The following PDE1A variants were observed in gnomAD, a reference collection of about 807,000 sequenced individuals.
PDE1A encodes phosphodiesterase 1A.
PDE1A carries 35 observed loss-of-function variants against 61.7 expected under a neutral mutation model. The observed-to-expected ratio is 0.57, with a 90% confidence interval of 0.43 to 0.75. The LOEUF (loss-of-function observed/expected upper bound fraction) is 0.75. PDE1A is among the 30% of genes least tolerant of loss of function. The pLI, the probability that PDE1A is intolerant of heterozygous loss-of-function variation, is 0.00. For synonymous variants in PDE1A, 232 were observed against 213.2 expected, an observed-to-expected ratio of 1.09 and a Z score of -0.77; for missense variants, 597 against 630.6, an observed-to-expected ratio of 0.95 and a Z score of 0.57.
chr2:182,369,503 T>G (rs750731622), intron 1 of PDE1A, among the ~76,000 whole-genome samples: 21 of 152,178 alleles, frequency 1.4e-4, no homozygotes, highest in Non-Finnish European at 2.8e-4. Flanking sequence ...GGGGAAACGT[T>G]TCATGGTAGC....
intron 1 of PDE1A, among the ~76,000 whole-genome samples, chr2:182,318,514 T>C (rs1033570987): frequency 2.0e-5 from 3 of 152,170 alleles, no homozygotes; most frequent in Admixed American, 1.3e-4. Context: ...CTTTCACAGA[T>C]AGCATTGTTA....
intron 1 of PDE1A, among the ~76,000 whole-genome samples, chr2:182,306,412 G>GT (rs1695588007): frequency 6.6e-6 from 1 of 151,694 alleles, no homozygotes; most frequent in African/African-American, 2.4e-5. Context: ...TCTCCATATA[G>GT]TTTTTTGTTA....
chr2:182,254,825 G>A (rs919435096), intron 2 of PDE1A, among the ~76,000 whole-genome samples: 1 of 152,116 alleles, frequency 6.6e-6, no homozygotes, highest in Non-Finnish European at 1.5e-5. Flanking sequence ...CACAGTTGTG[G>A]TTTGAGAAAG....
chr2:182,519,882 A>T (rs1362530278), intron 2 of PDE1A, among the ~76,000 whole-genome samples: 1 of 151,930 alleles, frequency 6.6e-6, no homozygotes, highest in East Asian at 1.9e-4. Flanking sequence ...CTCAATTAAA[A>T]ACAGTATATT....
intron 2 of PDE1A, among the ~76,000 whole-genome samples, chr2:182,257,835 A>T (rs1282411736): frequency 6.6e-6 from 1 of 152,194 alleles, no homozygotes; most frequent in African/African-American, 2.4e-5. Context: ...GATGCTTGAT[A>T]AGGGACCTCT....
chr2:182,567,798 CT>C, the PDE1A span, among the ~76,000 whole-genome samples: 3,822 of 126,470 alleles, frequency 0.03, 56 homozygotes, highest in Middle Eastern at 0.058. Flanking sequence ...TTTCTTTTTT[CT>C]TTTTTTTTTT....
intron 2 of PDE1A, among the ~76,000 whole-genome samples, chr2:182,495,444 C>A (rs1216138215): frequency 6.6e-6 from 1 of 152,154 alleles, no homozygotes; most frequent in Non-Finnish European, 1.5e-5. Context: ...GCCTTCAGTG[C>A]TTCAGCCAGG....
intron 1 of PDE1A, among the ~76,000 whole-genome samples, chr2:182,300,668 T>C (rs1695181498): frequency 6.6e-6 from 1 of 152,176 alleles, no homozygotes; most frequent in African/African-American, 2.4e-5. Flanking sequence ...ATAGTGGAAA[T>C]AATTATAGAA....
At chr2:182,212,032 C>G (rs1279790788) in intron 7 of PDE1A, among the ~76,000 whole-genome samples, 2 of 151,766 alleles carry the variant, frequency 1.3e-5, no homozygotes, top group Non-Finnish European at 2.9e-5. Context: ...TTGCATACTT[C>G]CAGTATGATA....
At chr2:182,610,893 A>G in the PDE1A span, among the ~76,000 whole-genome samples, 1 of 152,256 alleles carries the variant, frequency 6.6e-6, no homozygotes, top group Non-Finnish European at 1.5e-5. Context: ...ACTTTAAGAG[A>G]ATAAAGTAAA....
chr2:182,148,001 T>C (rs959590074), intron 13 of PDE1A, among the ~76,000 whole-genome samples: 2 of 152,196 alleles, frequency 1.3e-5, no homozygotes, highest in African/African-American at 2.4e-5. Flanking sequence ...TTAGTGGACA[T>C]ACAGAATTTA....
intron 2 of PDE1A, among the ~76,000 whole-genome samples, chr2:182,480,459 A>C (rs566072743): frequency 1.6e-4 from 25 of 152,066 alleles, no homozygotes; most frequent in African/African-American, 5.5e-4. Flanking sequence ...CAGTCGGCCT[A>C]CTGTATCTCT....
At chr2:182,246,884 T>C (rs145766945) in intron 2 of PDE1A, among the ~76,000 whole-genome samples, 1 of 152,216 alleles carries the variant, frequency 6.6e-6, no homozygotes, top group Non-Finnish European at 1.5e-5. Context: ...TCTAAAATCA[T>C]GTGTGACACA....
intron 1 of PDE1A, among the ~76,000 whole-genome samples, chr2:182,399,353 C>T (rs1293808131): frequency 1.3e-5 from 2 of 151,936 alleles, no homozygotes; most frequent in Non-Finnish European, 2.9e-5. Context: ...TCAGCCAAAA[C>T]TATTCCCTTA....
chr2:182,423,952 T>C (rs528778245), intron 1 of PDE1A, among the ~76,000 whole-genome samples: 61 of 150,102 alleles, frequency 4.1e-4, no homozygotes, highest in Admixed American at 7.3e-4. Context: ...TTAACCTTTT[T>C]TTTTTTTTTT....
At chr2:182,208,402 T>A (rs759940098) in intron 7 of PDE1A, among the ~76,000 whole-genome samples, 1 of 152,114 alleles carries the variant, frequency 6.6e-6, no homozygotes, top group African/African-American at 2.4e-5. Context: ...TCAGATCTCA[T>A]GAGAATTCCC....
At chr2:182,155,936 A>G (rs1691057250) in intron 13 of PDE1A, among the ~76,000 whole-genome samples, 1 of 152,084 alleles carries the variant, frequency 6.6e-6, no homozygotes. Flanking sequence ...GGCCAGGTGA[A>G]GATAATTGAA....
chr2:182,716,141 C>T, the PDE1A span: 1 of 153,006 alleles, frequency 6.5e-6, no homozygotes, highest in Non-Finnish European at 1.5e-5. Flanking sequence ...GCCACGTCAA[C>T]CTAAACCTAC....
the PDE1A span, among the ~76,000 whole-genome samples, chr2:182,680,271 T>TGGCATGCTTACAGCTCACTGCAGC: frequency 2.0e-5 from 3 of 151,500 alleles, no homozygotes; most frequent in Non-Finnish European, 1.5e-5. Flanking sequence ...TAGAGTGCAG[T>TGGCATGCTTACAGCTCACTGCAGC]GGCATGCTTA....
Sources: gnomAD v4.1 joint callset for allele counts (sites outside exome capture counted in the v4.1 genomes callset) on GRCh38, gnomAD v4.1.1 for gene constraint, MANE v1.5 for transcripts, NCBI Gene and HGNC (gene_info 2026-07-23, HGNC 2026-07-21) for gene names.